Variants in KIF5B observed in about 807,000 individuals in gnomAD.
KIF5B encodes kinesin-1 heavy chain.
KIF5B carries 49 observed loss-of-function variants against 132.8 expected under a neutral mutation model. That is an observed-to-expected ratio of 0.37 (90% CI 0.29 to 0.47). The LOEUF (loss-of-function observed/expected upper bound fraction) is 0.47, where lower values mean the gene tolerates loss of function less well. Among genes scored for constraint, KIF5B ranks in the 20% least tolerant of loss-of-function variants. The pLI is 1.00. For missense variants in KIF5B, 780 were observed against 1,144.0 expected (o/e 0.68, Z 4.59); for synonymous variants, 355 against 369.4 (o/e 0.96, Z 0.45).
In KIF5B at chr10:32,031,158, G is replaced by A; in HGVS notation, c.1496C>T (p.Ala499Val). The change falls in exon 14 of 26, where the codon GCT (alanine) becomes GTT (valine). Residue 499 changes from alanine (A) to valine (V), a missense_variant. By Grantham distance (64) the Ala-to-Val change is moderately conservative. This residue lies in a region of KIF5B where 471 missense variants were observed against 569.9 expected (regional missense o/e 0.83). Transcript: ENST00000302418. ...CTGAGACTTCTGATCATAATTGACA[G>A]CAAGTTCTTCTAGGGCCTGTAAAAC... is the stretch of plus-strand genomic sequence containing the variant. The part of the protein sequence containing the change: ...KEVLQALEEL[A>V]VNYDQKSQEV... The A allele has an allele frequency of 6.2e-7, 1 of 1,613,796 alleles. No individual in the cohort carries two copies. The highest frequency in any genetic ancestry group is 8.5e-7 in the Non-Finnish European group (1 of 1,179,832).
intron 1 of KIF5B, among the ~76,000 whole-genome samples, chr10:32,054,151 G>A (rs1296175349): frequency 6.6e-6 from 1 of 152,188 alleles, no homozygotes; most frequent in East Asian, 1.9e-4. Flanking sequence ...CGGAAAAATA[G>A]GTTTGATGTG....
intron 24 of KIF5B, 37 bp from the exon 25 acceptor site, chr10:32,015,696 T>A (rs1319237042): frequency 6.4e-7 from 1 of 1,556,830 alleles, no homozygotes; most frequent in Non-Finnish European, 8.8e-7. Context: ...TAGAATAAAG[T>A]TTAAGATGTG....
At chr10:32,019,183 T>C (rs996983523) in intron 20 of KIF5B, among the ~76,000 whole-genome samples, 3 of 152,266 alleles carry the variant, frequency 2.0e-5, no homozygotes, top group African/African-American at 7.2e-5. Context: ...TGATTAATTA[T>C]AGATTATAAA....
intron 15 of KIF5B, among the ~76,000 whole-genome samples, chr10:32,028,225 C>T (rs564470495): frequency 6.6e-6 from 1 of 152,176 alleles, no homozygotes; most frequent in South Asian, 2.1e-4. Flanking sequence ...CAATAAATGC[C>T]GCCTACTGAA....
chr10:32,012,543 G>A (rs1195880047), intron 25 of KIF5B, among the ~76,000 whole-genome samples: 1 of 152,186 alleles, frequency 6.6e-6, no homozygotes, highest in Non-Finnish European at 1.5e-5. Flanking sequence ...TGAAAACTAA[G>A]AACCACTATC....
intron 2 of KIF5B, among the ~76,000 whole-genome samples, chr10:32,042,154 T>TA (rs1270140503): frequency 6.6e-5 from 10 of 151,816 alleles, no homozygotes; most frequent in East Asian, 5.8e-4. Flanking sequence ...CAGTGAAAAG[T>TA]AAACTAATAA....
chr10:32,029,700 T>C (rs1003867307), intron 14 of KIF5B, among the ~76,000 whole-genome samples: 1 of 152,322 alleles, frequency 6.6e-6, no homozygotes, highest in Admixed American at 6.5e-5. Flanking sequence ...CTATTATCAA[T>C]GTAATGCTGA....
In KIF5B at chr10:32,022,733, A is replaced by G. The variant is rs184685351; in HGVS notation, c.1914+115T>C. 1.7e-4 allele frequency: 122 copies of G among 707,016 alleles called. No homozygotes were observed. In the Admixed American group the frequency reaches 2.6e-3, roughly 15 times the overall value. The allele number at this position is 707,016 out of a possible 1,614,324, so 43.8% of individuals were successfully genotyped here. On this transcript the variant is annotated intron_variant, in intron 16 of 25. Transcript: ENST00000302418. ...TCAAATTTACTGCAGCTAGACTAGG[A>G]AAAAAACAACTAAATTTCACCTATA... is the stretch of plus-strand genomic sequence containing the variant.
At chr10:32,037,206 A>C (rs753476460) in intron 8 of KIF5B, 48 bp downstream of exon 8, 3 of 1,573,014 alleles carry the variant, frequency 1.9e-6, no homozygotes, top group Non-Finnish European at 2.6e-6. Flanking sequence ...CTCAAACTAA[A>C]GTTTACAAAG....
intron 9 of KIF5B, 80 bp downstream of exon 9, chr10:32,035,810 C>T: frequency 1.5e-6 from 2 of 1,297,200 alleles, no homozygotes; most frequent in Non-Finnish European, 2.2e-6. Context: ...CTCTCTCATA[C>T]ACACCCAGGC....
chr10:32,029,272 G>C (rs1841369862), intron 14 of KIF5B, among the ~76,000 whole-genome samples: 1 of 152,178 alleles, frequency 6.6e-6, no homozygotes, highest in Non-Finnish European at 1.5e-5. Context: ...GTGCTTGCAT[G>C]ATGCTCAAAG....
intron 25 of KIF5B, among the ~76,000 whole-genome samples, chr10:32,013,473 C>G (rs1183006145): frequency 6.6e-6 from 1 of 152,156 alleles, no homozygotes; most frequent in African/African-American, 2.4e-5. Flanking sequence ...ACTGGGCCTA[C>G]TCAGTAAGTC....
rs753445583 is a variant in KIF5B at position 32,018,327 on chromosome 10, T to C, written c.2428A>G (p.Arg810Gly). Residue 810 changes from arginine (R) to glycine (G), a missense_variant, in exon 22 of 26, where the codon AGA becomes GGA. By Grantham distance (125) the Arg-to-Gly change is moderately radical. This residue lies in a region of KIF5B where 471 missense variants were observed against 569.9 expected (regional missense o/e 0.83). Transcript: ENST00000302418. ...RKLFVQDLAT[R>G]VKKSAEIDSD... is the part of the protein sequence containing the mutation. ...CATAGTTACATTACCTTTTTAACTC[T>C]TGTAGCCAGGTCCTGAACAAAGAGT... The C allele has an allele frequency of 1.9e-5, 28 of 1,510,776 alleles. No individual in the cohort carries two copies. Among genetic ancestry groups the C allele is most frequent in the Non-Finnish European group, 2.5e-5 (28 of 1,132,450 alleles). 93.6% of individuals were successfully genotyped at this position (1,510,776 alleles called of 1,614,324 possible).
intron 15 of KIF5B, among the ~76,000 whole-genome samples, chr10:32,024,186 G>A (rs61844301): frequency 9.7e-6 from 1 of 102,706 alleles, no homozygotes; most frequent in South Asian, 3.2e-4. Context: ...ACGGAGTCTC[G>A]CTCTGTCGCC....
At chr10:32,055,053 G>T (rs967720160) in intron 1 of KIF5B, among the ~76,000 whole-genome samples, 1 of 152,012 alleles carries the variant, frequency 6.6e-6, no homozygotes, top group African/African-American at 2.4e-5. Context: ...AAAACAAAAA[G>T]TTAATACTTT....
chr10:32,020,695 G>A (rs1394826216), intron 19 of KIF5B, among the ~76,000 whole-genome samples: 1 of 152,092 alleles, frequency 6.6e-6, no homozygotes, highest in Non-Finnish European at 1.5e-5. Context: ...AAGCACTGGG[G>A]TCACAGGCCA....
chr10:32,042,713 G>A (rs1251788150), intron 2 of KIF5B, among the ~76,000 whole-genome samples: 1 of 152,104 alleles, frequency 6.6e-6, no homozygotes, highest in Admixed American at 6.5e-5. Context: ...AACAGAGGTG[G>A]ACAACTCTGA....
intron 7 of KIF5B, 60 bp from the exon 8 acceptor site, chr10:32,037,438 T>G (rs1019052615): frequency 5.6e-6 from 9 of 1,598,612 alleles, no homozygotes; most frequent in Non-Finnish European, 7.7e-6. Context: ...ACAATTTCCC[T>G]GAAGCAATCT....
chr10:32,013,169 G>C (rs377629722), intron 25 of KIF5B, among the ~76,000 whole-genome samples: 2 of 152,106 alleles, frequency 1.3e-5, no homozygotes, highest in African/African-American at 4.8e-5. Context: ...CCAAGTGCTG[G>C]GATTACAGGT....
Sources: allele counts gnomAD v4.1 joint callset (sites outside exome capture counted in the v4.1 genomes callset), GRCh38; gene constraint gnomAD v4.1.1; regional missense constraint gnomAD v4.1.1; transcripts MANE v1.5; gene names NCBI Gene and HGNC (gene_info 2026-07-23, HGNC 2026-07-21).